PPP2R2C: variants seen among roughly 807,000 people sequenced by gnomAD.
The protein encoded by PPP2R2C is protein phosphatase 2 regulatory subunit Bgamma, also known as protein phosphatase 2, regulatory subunit B, gamma.
A neutral mutation model predicts 45.3 loss-of-function variants in PPP2R2C; 10 were observed. That is an observed-to-expected ratio of 0.22 (90% confidence interval 0.14 to 0.37). The LOEUF is 0.37. PPP2R2C is among the 10% of genes least tolerant of loss of function. PPP2R2C has a pLI of 1.00. For synonymous variants in PPP2R2C, 257 were observed against 245.4 expected, an observed-to-expected ratio of 1.05 and a Z score of -0.44; for missense variants, 308 against 619.7, an observed-to-expected ratio of 0.50 and a Z score of 5.34.
chr4:6,405,488 G>A (rs559210019), intron 1 of PPP2R2C, among the ~76,000 whole-genome samples: 1 of 152,362 alleles, frequency 6.6e-6, no homozygotes, highest in Admixed American at 6.5e-5. Flanking sequence ...CCAGCTCAAA[G>A]GCAGAAGGAG....
At chr4:6,451,933 G>A (rs904710083) in intron 1 of PPP2R2C, among the ~76,000 whole-genome samples, 3 of 152,180 alleles carry the variant, frequency 2.0e-5, no homozygotes, top group African/African-American at 7.2e-5. Context: ...AGTGTGAACA[G>A]TGACACCACC....
intron 2 of PPP2R2C, among the ~76,000 whole-genome samples, chr4:6,477,648 C>T (rs921868646): frequency 5.4e-5 from 8 of 149,406 alleles, no homozygotes; most frequent in Admixed American, 4.8e-4. Flanking sequence ...AGGGTGTGAA[C>T]CCGGGAGGCG....
At chr4:6,454,875 A>G (rs1397603893) in intron 1 of PPP2R2C, among the ~76,000 whole-genome samples, 1 of 152,228 alleles carries the variant, frequency 6.6e-6, no homozygotes. Context: ...ACACAGGAGC[A>G]GTCAAGAAAT....
intron 1 of PPP2R2C, among the ~76,000 whole-genome samples, chr4:6,448,551 G>A (rs1329506068): frequency 6.6e-6 from 1 of 152,058 alleles, no homozygotes; most frequent in Non-Finnish European, 1.5e-5. Flanking sequence ...GAGGGGTGAG[G>A]AGGCCACCGC....
Position 6,330,343 on chromosome 4 carries a change from T to C in PPP2R2C, c.961-990A>G, listed in dbSNP as rs2109165441. On this transcript the variant is annotated intron_variant, in intron 7 of 8. Coordinates refer to ENST00000382599, the MANE Select transcript of PPP2R2C (RefSeq NM_020416.4). The surrounding 1 kb of genome is among the most constrained non-coding windows in gnomAD (Gnocchi z 7.0). The stretch of plus-strand genomic sequence containing the variant: ...TAACAACTCCAACGAACACAGAAAA[T>C]GTGAAGGGTGGTGTGAACGTCAATT... 6.6e-6 allele frequency among the ~76,000 whole-genome samples: 1 copy of C among 151,960 alleles called. No individual in the cohort carries two copies. Among genetic ancestry groups the C allele is most frequent in the South Asian group, 2.1e-4 (1 of 4,810 alleles).
chr4:6,442,540 C>A (rs1720207408), intron 1 of PPP2R2C, among the ~76,000 whole-genome samples: 1 of 152,190 alleles, frequency 6.6e-6, no homozygotes, highest in Non-Finnish European at 1.5e-5. Flanking sequence ...AATAGCATGG[C>A]CCCAAGGGCT....
At chr4:6,542,702 CAA>C (rs10691194) in intron 1 of PPP2R2C, among the ~76,000 whole-genome samples, 1 of 26,986 alleles carries the variant, frequency 3.7e-5, no homozygotes, top group Non-Finnish European at 9.1e-5. Context: ...GACTCTGTCT[CAA>C]AAAAAAAAAA....
intron 1 of PPP2R2C, among the ~76,000 whole-genome samples, chr4:6,553,293 G>A (rs907574522): frequency 6.6e-6 from 1 of 152,236 alleles, no homozygotes; most frequent in Non-Finnish European, 1.5e-5. Context: ...CTTAGGGCAG[G>A]GACCACAGGT....
chr4:6,380,302 A>G (rs182982680), intron 2 of PPP2R2C: 1 of 152,502 alleles, frequency 6.6e-6, no homozygotes, highest in East Asian at 1.9e-4. Flanking sequence ...TGTTCTCAGT[A>G]AATGGGCTTT....
chr4:6,557,059 A>G (rs1453419021), intron 1 of PPP2R2C, among the ~76,000 whole-genome samples: 1 of 152,222 alleles, frequency 6.6e-6, no homozygotes, highest in Admixed American at 6.5e-5. Flanking sequence ...AACAAGGGGT[A>G]CAAGCCTCCT....
chr4:6,362,971 T>C (rs995963127), intron 5 of PPP2R2C, among the ~76,000 whole-genome samples: 12 of 152,182 alleles, frequency 7.9e-5, no homozygotes, highest in Admixed American at 2.6e-4. Flanking sequence ...TAATAACGCC[T>C]ACCACATAGT....
intron 1 of PPP2R2C, among the ~76,000 whole-genome samples, chr4:6,554,462 T>C (rs1173559532): frequency 6.6e-6 from 1 of 152,202 alleles, no homozygotes; most frequent in Non-Finnish European, 1.5e-5. Flanking sequence ...ATCAATTTCC[T>C]TTCTTCAAGC....
intron 1 of PPP2R2C, among the ~76,000 whole-genome samples, chr4:6,470,096 C>T (rs1035847834): frequency 3.0e-4 from 45 of 152,292 alleles, no homozygotes; most frequent in African/African-American, 1.1e-3. Flanking sequence ...GTTGCACCTG[C>T]TCCTCACAGA....
chr4:6,498,175 A>T (rs984482967), intron 2 of PPP2R2C, among the ~76,000 whole-genome samples: 3 of 152,252 alleles, frequency 2.0e-5, no homozygotes, highest in Non-Finnish European at 2.9e-5. Flanking sequence ...CCCTACACAC[A>T]TCGACAAGGA....
intron 1 of PPP2R2C, chr4:6,382,415 C>T: frequency 2.2e-6 from 3 of 1,351,862 alleles, no homozygotes; most frequent in South Asian, 1.1e-5. Context: ...GGTTCCCTGT[C>T]CCAGCCTCTG....
chr4:6,337,483 CGGA>C (rs1733070728), intron 6 of PPP2R2C, among the ~76,000 whole-genome samples: 2 of 152,014 alleles, frequency 1.3e-5, no homozygotes, highest in Admixed American at 1.3e-4. Context: ...GGAGGTGAGG[CGGA>C]GGTGAGTCCA....
At chr4:6,334,696 T>C (rs1055286832) in intron 6 of PPP2R2C, among the ~76,000 whole-genome samples, 1 of 151,484 alleles carries the variant, frequency 6.6e-6, no homozygotes, top group African/African-American at 2.4e-5. Flanking sequence ...GGTGGTGGAG[T>C]TGACAGCCAT....
At position 6,428,715 on chromosome 4, in the gene PPP2R2C, C is replaced by T. The variant is rs116714882; in HGVS notation, c.70+43445G>A. Among the ~76,000 whole-genome samples the T allele has an allele frequency of 4.5e-3, 693 of 152,350 alleles. 2 individuals carry two copies. The highest frequency in any genetic ancestry group is 0.016 in the African/African-American group (675 of 41,578). On this transcript the variant is annotated intron_variant, in intron 1 of 8. Coordinates refer to ENST00000382599, the MANE Select transcript of PPP2R2C (RefSeq NM_020416.4). ...TGCCAACAGTGACATTGGGATACCACCCACCAGGGGCTGGACCCCTTGCTG... is the reference window on the plus strand; with the variant it reads ...TGCCAACAGTGACATTGGGATACCATCCACCAGGGGCTGGACCCCTTGCTG...
chr4:6,372,665 C>T lies in PPP2R2C; in HGVS notation c.483G>A (p.Glu161=). 6.2e-7 allele frequency: 1 copy of T among 1,614,178 alleles called. No individual in the cohort carries two copies. Reference sequence around the variant, plus strand: ...TGGCAAAGATCCTCCGAGGGCTCACCTCCACCATCAGATCCATGGGCTTCA... The same window carrying T: ...TGGCAAAGATCCTCCGAGGGCTCACTTCCACCATCAGATCCATGGGCTTCA... The part of the protein sequence containing the change: ...PVLKPMDLMV[E]VSPRRIFANG... Residue 161 remains glutamate (E), a synonymous_variant, in exon 5 of 9, where the codon GAG becomes GAA. Transcript: ENST00000382599.
Sources: allele counts gnomAD v4.1 joint callset (sites outside exome capture counted in the v4.1 genomes callset), GRCh38; gene constraint gnomAD v4.1.1; non-coding constraint Gnocchi (gnomAD v3.1); transcripts MANE v1.5; gene names NCBI Gene and HGNC (gene_info 2026-07-23, HGNC 2026-07-21).